Variants in CSTPP1 observed in about 807,000 individuals in gnomAD.
CSTPP1 encodes centriolar satellite-associated tubulin polyglutamylase complex regulator 1, also known as UPF0705 protein C11orf49.
the CSTPP1 span, among the ~76,000 whole-genome samples, chr11:46,948,416 T>C: frequency 6.6e-6 from 1 of 152,218 alleles, no homozygotes; most frequent in Non-Finnish European, 1.5e-5. Context: ...GAGATTATAA[T>C]TGTGTATATA....
At chr11:47,012,732 T>G in the CSTPP1 span, among the ~76,000 whole-genome samples, 4 of 152,064 alleles carry the variant, frequency 2.6e-5, no homozygotes, top group East Asian at 5.8e-4. Context: ...CCACTAGGTC[T>G]TCTCTGAGGT....
At chr11:47,135,643 TAAC>T in the CSTPP1 span, among the ~76,000 whole-genome samples, 6 of 152,200 alleles carry the variant, frequency 3.9e-5, no homozygotes, top group Admixed American at 6.5e-5. Flanking sequence ...AGAATAATAA[TAAC>T]AACTAATAGA....
chr11:47,063,494 C>A, the CSTPP1 span, among the ~76,000 whole-genome samples: 1 of 152,104 alleles, frequency 6.6e-6, no homozygotes, highest in Non-Finnish European at 1.5e-5. Flanking sequence ...TTCTCTCCTC[C>A]TCCAGTCCCT....
chr11:46,958,533 C>G, the CSTPP1 span, among the ~76,000 whole-genome samples: 1 of 152,080 alleles, frequency 6.6e-6, no homozygotes. Flanking sequence ...TGGTCTTGAA[C>G]TCCTGGGTTC....
chr11:47,014,129 G>A, the CSTPP1 span, among the ~76,000 whole-genome samples: 349 of 152,004 alleles, frequency 2.3e-3, no homozygotes, highest in African/African-American at 8.0e-3. Context: ...GAAGGTCAAG[G>A]CTGCAATTAG....
At chr11:47,111,442 T>C in the CSTPP1 span, among the ~76,000 whole-genome samples, 7 of 152,314 alleles carry the variant, frequency 4.6e-5, no homozygotes, top group South Asian at 1.5e-3. Flanking sequence ...TGCGGTTGCA[T>C]TGATATCAGA....
At chr11:47,069,211 T>C in the CSTPP1 span, among the ~76,000 whole-genome samples, 2 of 152,182 alleles carry the variant, frequency 1.3e-5, no homozygotes, top group African/African-American at 4.8e-5. Flanking sequence ...CCCTTCCCCA[T>C]TGTGTAAATA....
At chr11:47,152,681 G>A in the CSTPP1 span, among the ~76,000 whole-genome samples, 2 of 152,320 alleles carry the variant, frequency 1.3e-5, no homozygotes, top group Middle Eastern at 3.4e-3. Flanking sequence ...CTAAAAAACT[G>A]AATTGTACGC....
the CSTPP1 span, among the ~76,000 whole-genome samples, chr11:47,077,269 G>A: frequency 2.0e-5 from 3 of 149,992 alleles, no homozygotes. Context: ...GCCCAAACTC[G>A]GCTCACTGCA....
chr11:47,002,192 T>G, the CSTPP1 span, among the ~76,000 whole-genome samples: 1 of 152,048 alleles, frequency 6.6e-6, no homozygotes, highest in Admixed American at 6.6e-5. Context: ...CAGATAATTG[T>G]CAGGAAGAGA....
At chr11:47,122,069 C>CAAAAAAAAAAAAAAAAAAAA in the CSTPP1 span, among the ~76,000 whole-genome samples, 2 of 21,986 alleles carry the variant, frequency 9.1e-5, no homozygotes, top group Non-Finnish European at 1.6e-4. Context: ...GACCCTGTCT[C>CAAAAAAAAAAAAAAAAAAAA]AAAAAAAAAA....
At chr11:47,015,396 C>T in the CSTPP1 span, among the ~76,000 whole-genome samples, 2 of 152,050 alleles carry the variant, frequency 1.3e-5, no homozygotes, top group Admixed American at 6.5e-5. Context: ...ATCACTTGAA[C>T]TCGGGAGGAG....
At chr11:47,144,568 G>C in the CSTPP1 span, among the ~76,000 whole-genome samples, 1 of 152,246 alleles carries the variant, frequency 6.6e-6, no homozygotes, top group South Asian at 2.1e-4. Flanking sequence ...ATGTTCCTGG[G>C]TTTCCAAAGG....
the CSTPP1 span, chr11:47,137,366 C>G: frequency 5.5e-6 from 8 of 1,466,416 alleles, no homozygotes; most frequent in Non-Finnish European, 7.3e-6. Context: ...GAAGGTGCCT[C>G]TCTTGTTTGC....
At chr11:46,983,307 G>T in the CSTPP1 span, among the ~76,000 whole-genome samples, 1 of 152,246 alleles carries the variant, frequency 6.6e-6, no homozygotes, top group East Asian at 1.9e-4. Context: ...TTCAAGTAAG[G>T]ATCATATAGT....
At chr11:47,109,709 C>T in the CSTPP1 span, among the ~76,000 whole-genome samples, 17 of 152,300 alleles carry the variant, frequency 1.1e-4, no homozygotes, top group African/African-American at 4.1e-4. Context: ...GGGCAGCTTC[C>T]ACAGCCCTTG....
At chr11:47,151,587 C>G in the CSTPP1 span, among the ~76,000 whole-genome samples, 1 of 26,302 alleles carries the variant, frequency 3.8e-5, no homozygotes, top group Admixed American at 5.3e-4. Context: ...TGGCTTGGAG[C>G]AGAGGGTGGC....
the CSTPP1 span, among the ~76,000 whole-genome samples, chr11:46,953,729 T>A: frequency 2.6e-5 from 4 of 152,222 alleles, no homozygotes; most frequent in African/African-American, 9.6e-5. Context: ...AAGCAATTCA[T>A]AAGTAAGAAT....
chr11:47,040,802 C>G, the CSTPP1 span, among the ~76,000 whole-genome samples: 1 of 126,848 alleles, frequency 7.9e-6, no homozygotes, highest in East Asian at 2.1e-4. Context: ...AATTCCTTCA[C>G]TCAGAACTCT....
Sources: allele counts gnomAD v4.1 joint callset (sites outside exome capture counted in the v4.1 genomes callset), GRCh38; gene constraint gnomAD v4.1.1; transcripts MANE v1.5; gene names NCBI Gene and HGNC (gene_info 2026-07-23, HGNC 2026-07-21).